The following AHI1 variants were observed in gnomAD, a reference collection of about 807,000 sequenced individuals.
AHI1 encodes jouberin.
In AHI1, 123 loss-of-function variants were observed where a neutral mutation model predicts 149.3. The observed-to-expected ratio is 0.82, with a 90% CI of 0.71 to 0.96. The LOEUF (loss-of-function observed/expected upper bound fraction) is 0.96, where lower values mean the gene tolerates loss of function less well. Among genes scored for constraint, AHI1 ranks in the 40% least tolerant of loss-of-function variants. The pLI is 0.00. For synonymous variants in AHI1, 475 were observed against 459.8 expected (o/e 1.03, Z -0.42); for missense variants, 1,439 against 1,422.7 (o/e 1.01, Z -0.18).
intron 20 of AHI1, among the ~76,000 whole-genome samples, chr6:135,425,848 C>T (rs533547451): frequency 2.0e-4 from 31 of 151,744 alleles, no homozygotes; most frequent in Non-Finnish European, 3.5e-4. Flanking sequence ...CTGTCAGTGA[C>T]AAAAAATAAA....
chr6:135,375,068 C>T lies in AHI1; in HGVS notation c.3110-16881G>A, dbSNP rs550971109. ...TTGGTAGGTTTGGATGCTTTTCTGA[C>T]ATATTATGGGTTTACTGGGCTATAA... On this transcript the variant is annotated intron_variant, in intron 23 of 28. Coordinates refer to ENST00000265602, the MANE Select transcript of AHI1 (RefSeq NM_001134831.2). Among the ~76,000 whole-genome samples, 5 of 152,158 alleles carry T rather than the reference C, an allele frequency of 3.3e-5. No homozygotes were observed. In the East Asian group the frequency reaches 9.7e-4, roughly 29 times the overall value.
chr6:135,418,313 C>A lies in AHI1; in HGVS notation c.2765-6769G>T, dbSNP rs896263263. On this transcript the variant is annotated intron_variant, in intron 20 of 28. Coordinates refer to ENST00000265602, the MANE Select transcript of AHI1 (RefSeq NM_001134831.2). ...ACAGATGATGAGAGCACAGAGATGG[C>A]AACTACATTTGCTTAAAGAAATGTT... Among the ~76,000 whole-genome samples the A allele has an allele frequency of 2.6e-5, 4 of 152,064 alleles. No individual in the cohort carries two copies. In the East Asian group the frequency reaches 7.7e-4, roughly 29 times the overall value.
intron 23 of AHI1, among the ~76,000 whole-genome samples, chr6:135,383,222 C>CT (rs1777097923): frequency 3.0e-5 from 2 of 67,644 alleles, no homozygotes; most frequent in Non-Finnish European, 5.2e-5. Flanking sequence ...TCCTTCCCCC[C>CT]TCCCTTTTTT....
rs116489535 is a variant in AHI1 at position 135,370,238 on chromosome 6, G to A, written c.3110-12051C>T. Among the ~76,000 whole-genome samples, 294 of 152,270 alleles carry A rather than the reference G, an allele frequency of 1.9e-3. 1 individual carries two copies. Among genetic ancestry groups the A allele is most frequent in the African/African-American group, 6.8e-3 (281 of 41,542 alleles). ...TCAGGAGCTGACTTGGGTTGGGACT[G>A]GGCTGTTGCTTAGTTAATTTCAATA... is the stretch of plus-strand genomic sequence containing the variant. On this transcript the variant is annotated intron_variant, in intron 23 of 28. Transcript: ENST00000265602.
chr6:135,343,707 G>C (rs1035787455), intron 24 of AHI1, among the ~76,000 whole-genome samples: 2 of 147,828 alleles, frequency 1.4e-5, no homozygotes, highest in Non-Finnish European at 3.0e-5. Flanking sequence ...AAATGCGAAA[G>C]AATAAAGTTG....
At chr6:135,474,127 T>C (rs945289405) in intron 5 of AHI1, among the ~76,000 whole-genome samples, 3 of 152,218 alleles carry the variant, frequency 2.0e-5, no homozygotes, top group Admixed American at 1.3e-4. Flanking sequence ...GCTCTGATGC[T>C]TGGTTGCTTA....
intron 25 of AHI1, among the ~76,000 whole-genome samples, chr6:135,322,342 C>A (rs1043048326): frequency 6.6e-6 from 1 of 152,194 alleles, no homozygotes; most frequent in African/African-American, 2.4e-5. Flanking sequence ...CTGTACTTCT[C>A]CCCTTTAATG....
intron 24 of AHI1, among the ~76,000 whole-genome samples, chr6:135,357,583 A>G (rs1029559390): frequency 1.3e-5 from 2 of 152,256 alleles, no homozygotes; most frequent in Admixed American, 6.5e-5. Flanking sequence ...GAGTAGGATT[A>G]GGGAATGTAC....
At chr6:135,306,130 C>T (rs1285640602) in intron 26 of AHI1, among the ~76,000 whole-genome samples, 3 of 152,176 alleles carry the variant, frequency 2.0e-5, no homozygotes, top group African/African-American at 7.2e-5. Flanking sequence ...TCCAGACTGT[C>T]TTCTACTACA....
intron 20 of AHI1, among the ~76,000 whole-genome samples, chr6:135,423,543 A>G (rs913343251): frequency 6.6e-6 from 1 of 152,158 alleles, no homozygotes; most frequent in African/African-American, 2.4e-5. Context: ...ATTAATATGA[A>G]TTGTGTTAAT....
chr6:135,358,063 T>G, intron 24 of AHI1, 69 bp downstream of exon 24: 1 of 1,413,252 alleles, frequency 7.1e-7, no homozygotes, highest in Non-Finnish European at 9.8e-7. Context: ...ACAATGGCAC[T>G]GTAACTATAA....
chr6:135,433,752 T>G (rs924124732), intron 15 of AHI1, among the ~76,000 whole-genome samples: 5 of 151,942 alleles, frequency 3.3e-5, no homozygotes, highest in Non-Finnish European at 5.9e-5. Flanking sequence ...AAAATGAAGA[T>G]CTCAAAGATT....
At chr6:135,424,600 T>C (rs1246945620) in intron 20 of AHI1, among the ~76,000 whole-genome samples, 1 of 151,916 alleles carries the variant, frequency 6.6e-6, no homozygotes, top group East Asian at 1.9e-4. Flanking sequence ...ATCATATTTC[T>C]TACCAAAAAA....
intron 20 of AHI1, among the ~76,000 whole-genome samples, chr6:135,416,945 A>C (rs2127987868): frequency 6.6e-6 from 1 of 152,160 alleles, no homozygotes; most frequent in East Asian, 1.9e-4. Context: ...ATTGTTGTGG[A>C]TTTGACTATT....
Position 135,428,648 on chromosome 6 carries a change from A to G in AHI1, c.2604T>C (p.Tyr868=), listed in dbSNP as rs1784234415. 1 of 1,605,414 alleles carries G rather than the reference A, an allele frequency of 6.2e-7. No homozygotes were observed. The stretch of plus-strand genomic sequence containing the variant: ...ATTCACCTGTTTCTGGGTTCCAAAC[A>G]TACACTATACCATCCTCACTTCCAG... ...LFAGSEDGIV[Y]VWNPETGEQV... is the part of the protein sequence containing the mutation. The change falls in exon 19 of 29, where the codon TAT becomes TAC. Residue 868 remains tyrosine, a synonymous_variant. Coordinates refer to ENST00000265602, the MANE Select transcript of AHI1 (RefSeq NM_001134831.2).
intron 24 of AHI1, among the ~76,000 whole-genome samples, chr6:135,345,371 T>C (rs1183968725): frequency 6.6e-6 from 1 of 152,204 alleles, no homozygotes; most frequent in Non-Finnish European, 1.5e-5. Context: ...AACCTGTACA[T>C]GAATGCTCAC....
intron 19 of AHI1, among the ~76,000 whole-genome samples, chr6:135,428,411 C>T (rs1191768933): frequency 1.3e-5 from 2 of 151,594 alleles, no homozygotes; most frequent in South Asian, 2.1e-4. Context: ...ATGTGAAATT[C>T]TAAATCCATA....
chr6:135,344,431 T>C (rs1459243384), intron 24 of AHI1, among the ~76,000 whole-genome samples: 2 of 151,202 alleles, frequency 1.3e-5, no homozygotes, highest in African/African-American at 4.8e-5. Flanking sequence ...TTTTATATAC[T>C]ATATAGGTAT....
chr6:135,314,672 C>T (rs993461192), intron 26 of AHI1, among the ~76,000 whole-genome samples: 1 of 152,116 alleles, frequency 6.6e-6, no homozygotes, highest in Admixed American at 6.5e-5. Context: ...ATTTTTCTTT[C>T]AGTTCCTTAC....
Sources: gnomAD v4.1 joint callset for allele counts (sites outside exome capture counted in the v4.1 genomes callset) on GRCh38, gnomAD v4.1.1 for gene constraint, MANE v1.5 for transcripts, NCBI Gene and HGNC (gene_info 2026-07-23, HGNC 2026-07-21) for gene names.